Variants in CNTNAP5 observed in about 807,000 individuals in gnomAD.
CNTNAP5 encodes contactin associated protein family member 5, also known as contactin-associated protein-like 5.
Under a neutral mutation model 150.2 loss-of-function variants are expected in CNTNAP5, and 72 were observed. The observed-to-expected ratio is 0.48, with a 90% CI of 0.40 to 0.58. CNTNAP5 has a LOEUF of 0.58. Among genes scored for constraint, CNTNAP5 ranks in the 20% least tolerant of loss-of-function variants. The pLI, the probability that CNTNAP5 is intolerant of heterozygous loss-of-function variation, is 0.00. For missense variants in CNTNAP5, 1,636 were observed against 1,626.2 expected (o/e 1.01, Z -0.10); for synonymous variants, 672 against 619.8 (o/e 1.08, Z -1.25).
At chr2:124,572,221 C>A (rs949304560) in intron 11 of CNTNAP5, among the ~76,000 whole-genome samples, 2 of 151,756 alleles carry the variant, frequency 1.3e-5, no homozygotes, top group African/African-American at 4.8e-5. Context: ...AGGGGGAATG[C>A]TTCTTCTGGG....
chr2:124,128,575 A>G (rs767198546), intron 1 of CNTNAP5, among the ~76,000 whole-genome samples: 4 of 152,110 alleles, frequency 2.6e-5, no homozygotes, highest in Non-Finnish European at 5.9e-5. Flanking sequence ...ATACCCAAAG[A>G]ATGATAAATC....
chr2:124,799,575 A>G (rs571451247), intron 19 of CNTNAP5, among the ~76,000 whole-genome samples: 1 of 152,346 alleles, frequency 6.6e-6, no homozygotes, highest in South Asian at 2.1e-4. Context: ...GGTGGAACCT[A>G]GCAGAAAGGA....
chr2:124,183,535 C>T (rs1458161273), intron 1 of CNTNAP5, among the ~76,000 whole-genome samples: 1 of 152,166 alleles, frequency 6.6e-6, no homozygotes, highest in Non-Finnish European at 1.5e-5. Context: ...GGTTGAATAG[C>T]TTCCTTTCAA....
At chr2:124,051,374 G>A (rs1160667679) in intron 1 of CNTNAP5, among the ~76,000 whole-genome samples, 1 of 152,190 alleles carries the variant, frequency 6.6e-6, no homozygotes, top group Admixed American at 6.5e-5. Context: ...CAGAGTATTT[G>A]ATGCTGCTGT....
rs535136420 is a variant in CNTNAP5, at chr2:124,723,329, T to C, written c.2078-23900T>C. ...TTTTTTACTTTTATAACAAAGATCATGTTCCTTCAATTTCCAGTAACATGC... is the reference window on the plus strand; with the variant it reads ...TTTTTTACTTTTATAACAAAGATCACGTTCCTTCAATTTCCAGTAACATGC... On this transcript the variant is annotated intron_variant, in intron 13 of 23. Coordinates refer to ENST00000682447, the MANE Select transcript of CNTNAP5 (RefSeq NM_001367498.1). 1.2e-4 allele frequency among the ~76,000 whole-genome samples: 19 copies of C among 152,306 alleles called. No homozygotes were observed. The East Asian group carries it at 2.3e-3, about 19-fold the overall frequency.
chr2:124,184,153 G>A (rs1685273982), intron 1 of CNTNAP5, among the ~76,000 whole-genome samples: 1 of 152,172 alleles, frequency 6.6e-6, no homozygotes, highest in South Asian at 2.1e-4. Flanking sequence ...ATATACACAA[G>A]ATGGGCAGAG....
intron 19 of CNTNAP5, among the ~76,000 whole-genome samples, chr2:124,811,710 G>GT (rs940549416): frequency 2.0e-5 from 3 of 150,332 alleles, no homozygotes; most frequent in Non-Finnish European, 4.4e-5. Flanking sequence ...AGGAGGCGGG[G>GT]GGGGTGGATC....
At chr2:124,417,333 G>C (rs371107212) in intron 3 of CNTNAP5, 110 bp from the exon 4 acceptor site, 1 of 1,071,012 alleles carries the variant, frequency 9.3e-7, no homozygotes, top group Non-Finnish European at 1.3e-6. Flanking sequence ...ATTGAAATAC[G>C]TGAGAAATTA....
chr2:124,323,685 G>A (rs900180637), intron 3 of CNTNAP5, among the ~76,000 whole-genome samples: 3 of 152,140 alleles, frequency 2.0e-5, no homozygotes, highest in African/African-American at 4.8e-5. Context: ...AATCAGGCCT[G>A]CCAACCCCTG....
At chr2:124,448,078 C>T (rs1692867873) in intron 6 of CNTNAP5, among the ~76,000 whole-genome samples, 2 of 152,034 alleles carry the variant, frequency 1.3e-5, no homozygotes, top group Non-Finnish European at 1.5e-5. Flanking sequence ...ACCATCCTGG[C>T]TAACATGGTG....
intron 10 of CNTNAP5, among the ~76,000 whole-genome samples, chr2:124,556,455 A>G (rs1248687022): frequency 6.6e-6 from 1 of 152,206 alleles, no homozygotes; most frequent in East Asian, 1.9e-4. Flanking sequence ...TTGGTTAAAA[A>G]TTATTAAGAT....
At chr2:124,771,851 C>T (rs949061758) in intron 16 of CNTNAP5, among the ~76,000 whole-genome samples, 6 of 151,870 alleles carry the variant, frequency 4.0e-5, no homozygotes, top group Non-Finnish European at 8.8e-5. Flanking sequence ...AACACCACCA[C>T]TGCCAGTGCC....
intron 11 of CNTNAP5, among the ~76,000 whole-genome samples, chr2:124,571,775 A>G (rs1351218755): frequency 1.3e-5 from 2 of 151,580 alleles, no homozygotes; most frequent in African/African-American, 4.8e-5. Context: ...CAGGTGATCC[A>G]CCCATCTCAG....
intron 1 of CNTNAP5, among the ~76,000 whole-genome samples, chr2:124,142,654 A>T (rs2104618707): frequency 7.5e-6 from 1 of 133,194 alleles, no homozygotes; most frequent in Middle Eastern, 3.5e-3. Context: ...GTAGAGGGAA[A>T]TTTATAGCAC....
intron 3 of CNTNAP5, among the ~76,000 whole-genome samples, chr2:124,255,085 T>C (rs1687274269): frequency 6.6e-6 from 1 of 152,088 alleles, no homozygotes; most frequent in Admixed American, 6.6e-5. Flanking sequence ...GATTTTGTAC[T>C]AGAAGAGAAT....
intron 11 of CNTNAP5, among the ~76,000 whole-genome samples, chr2:124,565,518 G>C (rs1246753528): frequency 2.8e-5 from 4 of 140,726 alleles, no homozygotes; most frequent in Non-Finnish European, 6.2e-5. Flanking sequence ...AAGAAATTTA[G>C]AACAGTGAAA....
chr2:124,886,699 G>A (rs62173296), intron 21 of CNTNAP5, among the ~76,000 whole-genome samples: 11,169 of 152,116 alleles, frequency 0.073, 515 homozygotes, highest in East Asian at 0.15. Context: ...ACAGTAACAT[G>A]CATTTAATAA....
intron 7 of CNTNAP5, among the ~76,000 whole-genome samples, chr2:124,488,927 C>T (rs932110489): frequency 2.0e-5 from 3 of 152,112 alleles, no homozygotes; most frequent in Admixed American, 6.5e-5. Context: ...GTGTCTCCCT[C>T]CACTAAATGT....
At chr2:124,856,070 T>A (rs1404554402) in intron 19 of CNTNAP5, among the ~76,000 whole-genome samples, 4 of 143,546 alleles carry the variant, frequency 2.8e-5, no homozygotes, top group East Asian at 2.0e-4. Flanking sequence ...TGAGTAATAG[T>A]CCATGGTGTG....
Sources: gnomAD v4.1 joint callset for allele counts (sites outside exome capture counted in the v4.1 genomes callset) on GRCh38, gnomAD v4.1.1 for gene constraint, MANE v1.5 for transcripts, NCBI Gene and HGNC (gene_info 2026-07-23, HGNC 2026-07-21) for gene names.